DKK2: variants seen among roughly 807,000 people sequenced by gnomAD.
The protein encoded by DKK2 is dickkopf Wnt signaling pathway inhibitor 2.
In DKK2, 11 loss-of-function variants were observed where a neutral mutation model predicts 28.1. That is an observed-to-expected ratio of 0.39 (90% confidence interval 0.25 to 0.65). The LOEUF (loss-of-function observed/expected upper bound fraction) is 0.65, where lower values mean the gene tolerates loss of function less well. Ranked by LOEUF, DKK2 falls within the 30% of genes least tolerant of loss-of-function variation. The probability of loss-of-function intolerance (pLI) is 0.47; values close to 1 mark genes in which losing one functional copy is unlikely to be tolerated. For missense variants in DKK2, 326 were observed against 335.5 expected (o/e 0.97, Z 0.22); for synonymous variants, 135 against 126.5 (o/e 1.07, Z -0.45).
At chr4:106,963,963 G>T (rs1722730388) in intron 1 of DKK2, among the ~76,000 whole-genome samples, 2 of 152,156 alleles carry the variant, frequency 1.3e-5, no homozygotes, top group Non-Finnish European at 2.9e-5. Flanking sequence ...GTATGTTCTT[G>T]ACAACTTTAT....
chr4:106,962,811 G>T (rs569413221), intron 1 of DKK2, among the ~76,000 whole-genome samples: 62 of 151,910 alleles, frequency 4.1e-4, no homozygotes, highest in African/African-American at 1.5e-3. Context: ...TCAACAAAGT[G>T]AAGAGATAAC....
rs1724350022 is a variant in DKK2, at chr4:106,921,993, A to G, written c.*1961T>C. ...AATAATAATTTTTAAAAGGGTGGAC[A>G]TAAGAAAAATATTGCAGAAACCAAA... On this transcript the variant is annotated 3_prime_UTR_variant, in exon 4 of 4. Transcript: ENST00000285311. The G allele has an allele frequency of 6.5e-6, 1 of 152,754 alleles. No individual in the cohort carries two copies. The highest frequency in any genetic ancestry group is 1.5e-5 in the Non-Finnish European group (1 of 68,024). 9.5% of individuals were successfully genotyped at this position (152,754 alleles called of 1,614,324 possible).
intron 1 of DKK2, among the ~76,000 whole-genome samples, chr4:106,936,724 G>A (rs1384426521): frequency 5.9e-5 from 9 of 152,128 alleles, no homozygotes; most frequent in Non-Finnish European, 8.8e-5. Context: ...GAGAAAGGTC[G>A]GGTTACCCAC....
chr4:106,985,745 G>A (rs998577788), intron 1 of DKK2, among the ~76,000 whole-genome samples: 8 of 151,154 alleles, frequency 5.3e-5, no homozygotes, highest in Non-Finnish European at 1.0e-4. Flanking sequence ...GGAGGCAGAG[G>A]TTGCAGTGAG....
At chr4:106,926,615 CATT>C (rs1381415781) in intron 1 of DKK2, among the ~76,000 whole-genome samples, 3 of 152,140 alleles carry the variant, frequency 2.0e-5, no homozygotes, top group Non-Finnish European at 2.9e-5. Flanking sequence ...CCAATTATAT[CATT>C]ATATTCCCAG....
At chr4:106,936,153 C>T (rs566851071) in intron 1 of DKK2, among the ~76,000 whole-genome samples, 41 of 151,910 alleles carry the variant, frequency 2.7e-4, no homozygotes, top group Admixed American at 2.4e-3. Flanking sequence ...AGGCTTCAGA[C>T]GATCAAATTA....
chr4:106,963,557 G>C (rs1473548625), intron 1 of DKK2, among the ~76,000 whole-genome samples: 3 of 152,152 alleles, frequency 2.0e-5, no homozygotes, highest in Non-Finnish European at 2.9e-5. Flanking sequence ...GATGTGAAGA[G>C]AGAGGAACCC....
intron 1 of DKK2, among the ~76,000 whole-genome samples, chr4:106,964,960 TATAGATAGATAGATAG>T (rs754515017): frequency 6.1e-5 from 9 of 146,342 alleles, no homozygotes; most frequent in Admixed American, 2.8e-4. Context: ...GATAGATAGA[TATAGATAGATAGATAG>T]ATAGATAGAT....
chr4:106,984,774 C>T (rs1015153096), intron 1 of DKK2, among the ~76,000 whole-genome samples: 1 of 152,180 alleles, frequency 6.6e-6, no homozygotes, highest in Admixed American at 6.5e-5. Flanking sequence ...ATACAGATAT[C>T]CTTCAACGGG....
In DKK2 at chr4:106,985,109, T is replaced by G. The variant is rs549144512; in HGVS notation, c.222+50261A>C. On this transcript the variant is annotated intron_variant, in intron 1 of 3. Coordinates refer to ENST00000285311, the MANE Select transcript of DKK2 (RefSeq NM_014421.3). ...CTGTAGTCCCAGCTACTAGGCAGGC[T>G]GAGGCAGGAGAATGGTGTAAACCCG... Among the ~76,000 whole-genome samples, 25 of 149,072 alleles carry G rather than the reference T, an allele frequency of 1.7e-4. No individual in the cohort carries two copies. In the East Asian group the frequency reaches 5.0e-3, roughly 30 times the overall value.
intron 1 of DKK2, among the ~76,000 whole-genome samples, chr4:106,934,161 G>T (rs1394557867): frequency 1.3e-5 from 2 of 151,926 alleles, no homozygotes; most frequent in Non-Finnish European, 2.9e-5. Flanking sequence ...AGGTAGACAG[G>T]ATTATTGAGA....
intron 1 of DKK2, among the ~76,000 whole-genome samples, chr4:106,948,910 T>C (rs2110346182): frequency 6.6e-6 from 1 of 152,300 alleles, no homozygotes; most frequent in East Asian, 1.9e-4. Flanking sequence ...CATGCCAGTG[T>C]CCTAGTCTAA....
At chr4:106,985,228 A>G (rs1036447982) in intron 1 of DKK2, among the ~76,000 whole-genome samples, 3 of 151,234 alleles carry the variant, frequency 2.0e-5, no homozygotes, top group Admixed American at 2.0e-4. Flanking sequence ...AAAAAAAAAA[A>G]GATTATAGGC....
chr4:107,017,042 C>A (rs978442492), intron 1 of DKK2, among the ~76,000 whole-genome samples: 5 of 151,954 alleles, frequency 3.3e-5, no homozygotes, highest in African/African-American at 1.2e-4. Flanking sequence ...GACGAAATGT[C>A]ATACTCATAC....
At chr4:106,966,829 C>T (rs544270845) in intron 1 of DKK2, among the ~76,000 whole-genome samples, 3 of 152,236 alleles carry the variant, frequency 2.0e-5, no homozygotes, top group Admixed American at 6.5e-5. Flanking sequence ...TTCACTATCA[C>T]GAGAACAGTG....
At chr4:106,934,528 CAT>C (rs1180609004) in intron 1 of DKK2, among the ~76,000 whole-genome samples, 1 of 152,206 alleles carries the variant, frequency 6.6e-6, no homozygotes, top group African/African-American at 2.4e-5. Flanking sequence ...AACACACACA[CAT>C]ATAATATACA....
chr4:107,022,313 T>G (rs749952471), intron 1 of DKK2, among the ~76,000 whole-genome samples: 1 of 152,114 alleles, frequency 6.6e-6, no homozygotes, highest in Non-Finnish European at 1.5e-5. Flanking sequence ...TCTAATACAC[T>G]TAAGAAGTAA....
At chr4:107,015,153 G>A in intron 1 of DKK2, among the ~76,000 whole-genome samples, 1 of 151,446 alleles carries the variant, frequency 6.6e-6, no homozygotes. Context: ...ATATTGCCAA[G>A]TGATTGCCGT....
chr4:106,960,131 T>TAC (rs1029025304), intron 1 of DKK2, among the ~76,000 whole-genome samples: 8 of 147,298 alleles, frequency 5.4e-5, no homozygotes, highest in South Asian at 4.2e-4. Context: ...TATATATATA[T>TAC]ACACACACAC....
Sources: gnomAD v4.1 joint callset for allele counts (sites outside exome capture counted in the v4.1 genomes callset) on GRCh38, gnomAD v4.1.1 for gene constraint, MANE v1.5 for transcripts, NCBI Gene and HGNC (gene_info 2026-07-23, HGNC 2026-07-21) for gene names.